Variants in AHCTF1 observed in about 807,000 individuals in gnomAD.
The protein encoded by AHCTF1 is protein ELYS.
Under a neutral mutation model 248.4 loss-of-function variants are expected in AHCTF1, and 24 were observed. The observed-to-expected ratio is 0.10, with a 90% confidence interval of 0.07 to 0.14. The LOEUF (loss-of-function observed/expected upper bound fraction) is 0.14. Ranked by LOEUF, AHCTF1 falls within the 10% of genes least tolerant of loss-of-function variation. The pLI is 1.00. For missense variants in AHCTF1, 2,206 were observed against 2,636.2 expected (o/e 0.84, Z 3.57); for synonymous variants, 786 against 929.8 (o/e 0.85, Z 2.81).
chr1:246,892,724 T>C (rs184922441), intron 14 of AHCTF1, among the ~76,000 whole-genome samples: 3 of 152,262 alleles, frequency 2.0e-5, no homozygotes, highest in African/African-American at 7.2e-5. Flanking sequence ...CTCAAACTCC[T>C]GGGCTCAAGT....
rs926881616 is a variant in AHCTF1, at chr1:246,882,287, G to A, written c.2660+3206C>T. Among the ~76,000 whole-genome samples, 58 of 152,202 alleles carry A rather than the reference G, an allele frequency of 3.8e-4. 3 individuals are homozygous for A. Among genetic ancestry groups the A allele is most frequent in the African/African-American group, 1.7e-4 (7 of 41,546 alleles). Reference sequence around the variant, plus strand: ...GCTGGGATTACAGGCATGAGCCACCGCACCTGGCCTATTATTACTTTTAAA... The same window carrying A: ...GCTGGGATTACAGGCATGAGCCACCACACCTGGCCTATTATTACTTTTAAA... On this transcript the variant is annotated intron_variant, in intron 21 of 35. Coordinates refer to ENST00000648844, the MANE Select transcript of AHCTF1 (RefSeq NM_001323342.2).
chr1:246,862,466 C>T (rs1572380494), intron 27 of AHCTF1, among the ~76,000 whole-genome samples: 1 of 147,366 alleles, frequency 6.8e-6, no homozygotes, highest in Non-Finnish European at 1.5e-5. Context: ...GGCGACAGAG[C>T]AAGACTCCGT....
chr1:246,850,223 T>G lies in AHCTF1; in HGVS notation c.5783A>C (p.Lys1928Thr). 6.2e-7 allele frequency: 1 copy of G among 1,613,874 alleles called. No homozygotes were observed. Among genetic ancestry groups the G allele is most frequent in the Non-Finnish European group, 8.5e-7 (1 of 1,179,828 alleles). ...GNKQDDKSSD[K>T]QLRIKHVRRV... Reference sequence around the variant, plus strand: ...TCTAACATGTTTAATACGCAGCTGCTTGTCACTGGATTTATCATCTTGCTT... The same window carrying G: ...TCTAACATGTTTAATACGCAGCTGCGTGTCACTGGATTTATCATCTTGCTT... Residue 1928 changes from lysine to threonine, a missense_variant, in exon 33 of 36, where the codon AAG (lysine) becomes ACG (threonine). Transcript: ENST00000648844.
intron 8 of AHCTF1, among the ~76,000 whole-genome samples, chr1:246,902,066 CA>C (rs1246754071): frequency 6.6e-6 from 1 of 152,024 alleles, no homozygotes; most frequent in East Asian, 1.9e-4. Context: ...AAATGTTAAG[CA>C]ATTTGTCAAA....
chr1:246,917,304 TCC>T (rs1413744083), intron 2 of AHCTF1, among the ~76,000 whole-genome samples: 1 of 152,166 alleles, frequency 6.6e-6, no homozygotes, highest in Non-Finnish European at 1.5e-5. Context: ...AAGTACAGAC[TCC>T]GAATTTCTGC....
At position 246,900,077 on chromosome 1, in the gene AHCTF1, T is replaced by C. The variant is rs778956201; in HGVS notation, c.1420A>G (p.Thr474Ala). The C allele has an allele frequency of 6.2e-7, 1 of 1,605,232 alleles. No individual in the cohort carries two copies. Among genetic ancestry groups the C allele is most frequent in the South Asian group, 1.1e-5 (1 of 88,810 alleles). ...AGGAAATACATACCAAAATTATAAG[T>C]GCTTGGATTAAAAAACTGCTCGGGA... ...PPPEQFFNPS[T>A]YNFDATCLLN... Residue 474 changes from threonine (T) to alanine (A), a missense_variant, in exon 10 of 36, where the codon ACT becomes GCT. Coordinates refer to ENST00000648844, the MANE Select transcript of AHCTF1 (RefSeq NM_001323342.2).
chr1:246,842,517 G>C (rs1659947061), intron 35 of AHCTF1, among the ~76,000 whole-genome samples, 177 bp downstream of exon 35: 1 of 152,106 alleles, frequency 6.6e-6, no homozygotes, highest in African/African-American at 2.4e-5. Context: ...GGGAGGCAGA[G>C]GTTGCAGTGA....
At position 246,881,993 on chromosome 1, in the gene AHCTF1, CT is replaced by C. The variant is rs1158256511; in HGVS notation, c.2660+3499del. On this transcript the variant is annotated intron_variant, in intron 21 of 35. Transcript: ENST00000648844. ...CCGTGCCTGGCCTTTATTATTATTA[CT>C]TTTTTTTTTGTTTTTTTTTTTGAGA... 1.8e-3 allele frequency among the ~76,000 whole-genome samples: 239 copies of C among 135,656 alleles called. 1 individual carries two copies. Among genetic ancestry groups the C allele is most frequent in the African/African-American group, 5.9e-3 (217 of 36,534 alleles). 89.0% of individuals were successfully genotyped at this position (135,656 alleles called of 152,430 possible). A position where few individuals can be genotyped will look rare whatever the true frequency, so the allele number is the denominator to read the frequency against.
chr1:246,875,665 C>T (rs1294977099), intron 24 of AHCTF1, among the ~76,000 whole-genome samples: 2 of 152,184 alleles, frequency 1.3e-5, no homozygotes, highest in Admixed American at 6.5e-5. Flanking sequence ...CAGTCAGCAG[C>T]CATCAACATT....
chr1:246,889,815 T>TA, intron 17 of AHCTF1, 151 bp downstream of exon 17: 1 of 525,374 alleles, frequency 1.9e-6, no homozygotes, highest in Non-Finnish European at 3.3e-6. Flanking sequence ...TGTACTTTTT[T>TA]AAAAAAGAGA....
At chr1:246,852,765 A>AT (rs999366483) in intron 32 of AHCTF1, among the ~76,000 whole-genome samples, 13 of 151,706 alleles carry the variant, frequency 8.6e-5, no homozygotes, top group East Asian at 1.9e-4. Context: ...TTATTTATTT[A>AT]TTTTTTCCCT....
intron 26 of AHCTF1, among the ~76,000 whole-genome samples, chr1:246,865,835 A>G (rs978897105): frequency 4.6e-5 from 7 of 152,032 alleles, no homozygotes; most frequent in African/African-American, 1.7e-4. Context: ...CAACCCTGAG[A>G]CCAAATATTC....
In AHCTF1 at chr1:246,895,844, T is replaced by C. The variant is rs1386572278; in HGVS notation, c.1705A>G (p.Ile569Val). The C allele has an allele frequency of 6.8e-6, 11 of 1,610,522 alleles. No homozygotes were observed. The highest frequency in any genetic ancestry group is 4.0e-5 in the African/African-American group (3 of 74,860). The change falls in exon 13 of 36, where the codon ATA becomes GTA. Residue 569 changes from isoleucine (I) to valine (V), a missense_variant. Transcript: ENST00000648844. ...GLLTGYIRRW[I>V]TEEQPNSATN... ...GTTATCAGAATCTTACCTTCTGTTA[T>C]CCATCTTCGGATATAACCAGTCAAA... is the stretch of plus-strand genomic sequence containing the variant.
At chr1:246,919,639 G>C (rs1666382768) in intron 1 of AHCTF1, among the ~76,000 whole-genome samples, 1 of 151,428 alleles carries the variant, frequency 6.6e-6, no homozygotes, top group Non-Finnish European at 1.5e-5. Flanking sequence ...CTTGAACCCA[G>C]GAGGTGGAGG....
chr1:246,861,899 G>C, intron 28 of AHCTF1, 60 bp downstream of exon 28: 2 of 1,395,698 alleles, frequency 1.4e-6, no homozygotes, highest in South Asian at 1.4e-5. Flanking sequence ...CTTTTTACTT[G>C]TCAGAGCTAA....
intron 27 of AHCTF1, among the ~76,000 whole-genome samples, chr1:246,862,681 T>C (rs1661657460): frequency 6.6e-6 from 1 of 152,032 alleles, no homozygotes; most frequent in East Asian, 1.9e-4. Flanking sequence ...CTAAAAGCAT[T>C]ATTTCCAACT....
chr1:246,900,333 A>G lies in AHCTF1; in HGVS notation c.1250+4T>C. The stretch of plus-strand genomic sequence containing the variant: ...AAAGGAGAGAGAAAAAAAAAGAATC[A>G]TACCTTAACGAATCTGGCATTTGTG... On this transcript the variant is annotated splice_donor_region_variant and intron_variant, in intron 9 of 35. Transcript: ENST00000648844. The G allele has an allele frequency of 6.3e-7, 1 of 1,587,996 alleles. No homozygotes were observed. The highest frequency in any genetic ancestry group is 2.2e-5 in the East Asian group (1 of 44,724).
intron 29 of AHCTF1, among the ~76,000 whole-genome samples, chr1:246,858,380 T>C (rs908501156): frequency 1.3e-5 from 2 of 152,194 alleles, no homozygotes; most frequent in African/African-American, 4.8e-5. Flanking sequence ...TACTTAATCC[T>C]CAACATTCAA....
At position 246,840,051 on chromosome 1, in the gene AHCTF1, C is replaced by T. The variant is rs1315971039; in HGVS notation, c.*755G>A. 1 of 152,570 alleles carries T rather than the reference C, an allele frequency of 6.6e-6. No individual in the cohort carries two copies. The highest frequency in any genetic ancestry group is 2.4e-5 in the African/African-American group (1 of 41,456). 9.5% of individuals were successfully genotyped at this position (152,570 alleles called of 1,614,324 possible). On this transcript the variant is annotated 3_prime_UTR_variant, in exon 36 of 36. Coordinates refer to ENST00000648844, the MANE Select transcript of AHCTF1 (RefSeq NM_001323342.2). ...CAATATTAGGCACATACAAGATGCA[C>T]TCAATATCCATAAACAGATTTATTT...
Sources: gnomAD v4.1 joint callset for allele counts (sites outside exome capture counted in the v4.1 genomes callset) on GRCh38, gnomAD v4.1.1 for gene constraint, MANE v1.5 for transcripts, NCBI Gene and HGNC (gene_info 2026-07-23, HGNC 2026-07-21) for gene names.